OPCML: variants seen among roughly 807,000 people sequenced by gnomAD.
OPCML encodes the protein opioid-binding protein/cell adhesion molecule.
In OPCML, 13 loss-of-function variants were observed where a neutral mutation model predicts 37.8. That is an observed-to-expected ratio of 0.34 (90% CI 0.22 to 0.55). OPCML has a LOEUF of 0.55. Among genes scored for constraint, OPCML ranks in the 20% least tolerant of loss-of-function variants. OPCML has a pLI of 0.91. For missense variants in OPCML, 341 were observed against 435.6 expected (o/e 0.78, Z 1.93); for synonymous variants, 176 against 168.8 (o/e 1.04, Z -0.33).
chr11:133,481,664 C>T (rs934229637), intron 1 of OPCML, among the ~76,000 whole-genome samples: 18 of 151,940 alleles, frequency 1.2e-4, no homozygotes, highest in South Asian at 6.2e-4. Context: ...ACACTAGGTG[C>T]TATATCAGAG....
rs146208924 is a variant in OPCML, at chr11:133,088,814, G to C, written c.62-145804C>G. On this transcript the variant is annotated intron_variant, in intron 1 of 7. Transcript: ENST00000524381. ...TGGTTACCATCTGAGAGGGGGGCAG[G>C]TTTGGCAGTGCTTCTAAAACGGGGA... is the stretch of plus-strand genomic sequence containing the variant. Among the ~76,000 whole-genome samples, 210 of 152,290 alleles carry C rather than the reference G, an allele frequency of 1.4e-3. 2 individuals are homozygous for C. The highest frequency in any genetic ancestry group is 4.8e-3 in the African/African-American group (198 of 41,544).
intron 1 of OPCML, among the ~76,000 whole-genome samples, chr11:133,100,609 G>A (rs2137071249): frequency 6.6e-6 from 1 of 152,252 alleles, no homozygotes; most frequent in South Asian, 2.1e-4. Flanking sequence ...ATTGGTATTA[G>A]AACAGACAAA....
In OPCML at chr11:132,613,750, T is replaced by A. The variant is rs1591625969; in HGVS notation, c.379+43337A>T. On this transcript the variant is annotated intron_variant, in intron 3 of 7. Coordinates refer to ENST00000524381, the MANE Select transcript of OPCML (RefSeq NM_001012393.5). ...TTTTACTTGAGAAAAGTAGAAATAG[T>A]ATTATCAAGGCATGCAGAATGGCTG... is the stretch of plus-strand genomic sequence containing the variant. Among the ~76,000 whole-genome samples the A allele has an allele frequency of 2.6e-5, 4 of 152,254 alleles. No individual in the cohort carries two copies. The South Asian group carries it at 8.3e-4, about 32-fold the overall frequency.
At chr11:132,767,782 A>T (rs1006721955) in intron 2 of OPCML, among the ~76,000 whole-genome samples, 1 of 152,046 alleles carries the variant, frequency 6.6e-6, no homozygotes, top group African/African-American at 2.4e-5. Context: ...TAAGTAGAAT[A>T]TTTTAGAAAT....
chr11:133,177,142 T>A lies in OPCML; in HGVS notation c.62-234132A>T, dbSNP rs187429066. On this transcript the variant is annotated intron_variant, in intron 1 of 7. Coordinates refer to ENST00000524381, the MANE Select transcript of OPCML (RefSeq NM_001012393.5). This position sits in a 1 kb window ranked among gnomAD's most constrained non-coding sequence, Gnocchi z 5.0. ...ATGGTTCTGTAAAAATGAAGTGTAT[T>A]CATTTATTAATATTTATTCATATTT... is the stretch of plus-strand genomic sequence containing the variant. 6.6e-6 allele frequency among the ~76,000 whole-genome samples: 1 copy of A among 152,336 alleles called. No homozygotes were observed. Among genetic ancestry groups the A allele is most frequent in the Admixed American group, 6.5e-5 (1 of 15,304 alleles).
At chr11:133,148,854 A>C (rs975113441) in intron 1 of OPCML, among the ~76,000 whole-genome samples, 1 of 152,142 alleles carries the variant, frequency 6.6e-6, no homozygotes, top group Non-Finnish European at 1.5e-5. Context: ...ATGACAGCTG[A>C]AAAAGGGAAG....
At chr11:133,051,082 C>CAT (rs1555083193) in intron 1 of OPCML, among the ~76,000 whole-genome samples, 212 of 151,790 alleles carry the variant, frequency 1.4e-3, no homozygotes, top group African/African-American at 4.9e-3. Context: ...CACACACACA[C>CAT]ACACCTCTCA....
intron 1 of OPCML, among the ~76,000 whole-genome samples, chr11:133,204,868 G>GTATATATATATATATATA (rs57658806): frequency 4.3e-5 from 5 of 117,314 alleles, no homozygotes; most frequent in Admixed American, 9.3e-5. Context: ...ATATATATGT[G>GTATATATATATATATATA]TATATATATA....
intron 1 of OPCML, among the ~76,000 whole-genome samples, chr11:133,261,442 G>C (rs909612904): frequency 6.6e-6 from 1 of 152,192 alleles, no homozygotes; most frequent in Non-Finnish European, 1.5e-5. Context: ...CCTCTGCTCA[G>C]CTGGCATCAG....
At chr11:132,669,769 C>T (rs1484679423) in intron 2 of OPCML, among the ~76,000 whole-genome samples, 1 of 152,150 alleles carries the variant, frequency 6.6e-6, no homozygotes, top group Non-Finnish European at 1.5e-5. Flanking sequence ...TCTCTTCTTT[C>T]CCAATATCCA....
chr11:132,585,349 T>C (rs965809068), intron 3 of OPCML, among the ~76,000 whole-genome samples: 1 of 151,766 alleles, frequency 6.6e-6, no homozygotes, highest in African/African-American at 2.4e-5. Context: ...TTTGGAAAGG[T>C]TAGAGAAGAG....
At chr11:132,796,186 A>G (rs1248923385) in intron 2 of OPCML, among the ~76,000 whole-genome samples, 1 of 152,208 alleles carries the variant, frequency 6.6e-6, no homozygotes, top group African/African-American at 2.4e-5. Flanking sequence ...GAGGTTCCAG[A>G]ATCAATTCTC....
chr11:133,148,545 G>C (rs113668206), intron 1 of OPCML, among the ~76,000 whole-genome samples: 9 of 152,190 alleles, frequency 5.9e-5, no homozygotes, highest in Non-Finnish European at 1.2e-4. Flanking sequence ...ACTGGCCTTC[G>C]GGTAGACAGA....
chr11:132,935,889 C>T (rs761008536), intron 2 of OPCML, among the ~76,000 whole-genome samples: 22 of 152,192 alleles, frequency 1.4e-4, no homozygotes, highest in Non-Finnish European at 1.9e-4. Flanking sequence ...GACCGGCTCA[C>T]GTTGTCTTAG....
chr11:133,055,786 C>T (rs1275759730), intron 1 of OPCML, among the ~76,000 whole-genome samples: 2 of 151,116 alleles, frequency 1.3e-5, no homozygotes, highest in Admixed American at 6.6e-5. Flanking sequence ...GCCACCTCTA[C>T]TGTACAATGC....
intron 3 of OPCML, among the ~76,000 whole-genome samples, chr11:132,572,331 ACT>A (rs1176654573): frequency 6.6e-6 from 1 of 152,012 alleles, no homozygotes; most frequent in Non-Finnish European, 1.5e-5. Context: ...TGCCAAGACC[ACT>A]GTCATGAAGA....
intron 2 of OPCML, among the ~76,000 whole-genome samples, chr11:132,895,253 A>C (rs1376003406): frequency 6.6e-6 from 1 of 152,244 alleles, no homozygotes; most frequent in Non-Finnish European, 1.5e-5. Flanking sequence ...GGTGACTTCT[A>C]TATATGATAC....
chr11:133,455,072 A>G (rs1946648813), intron 1 of OPCML, among the ~76,000 whole-genome samples: 1 of 152,200 alleles, frequency 6.6e-6, no homozygotes, highest in South Asian at 2.1e-4. Flanking sequence ...ACAACCCTAA[A>G]CCCAAAGCTC....
intron 1 of OPCML, among the ~76,000 whole-genome samples, chr11:133,248,915 A>G (rs896685813): frequency 6.6e-6 from 1 of 152,270 alleles, no homozygotes; most frequent in Admixed American, 6.5e-5. Context: ...AATTCAGGAG[A>G]AATCGTGAGA....
Sources: gnomAD v4.1 joint callset for allele counts (sites outside exome capture counted in the v4.1 genomes callset) on GRCh38, gnomAD v4.1.1 for gene constraint, Gnocchi (gnomAD v3.1) non-coding constraint, MANE v1.5 for transcripts, NCBI Gene and HGNC (gene_info 2026-07-23, HGNC 2026-07-21) for gene names.